PPP3CB: variants seen among roughly 807,000 people sequenced by gnomAD.
The protein encoded by PPP3CB is serine/threonine-protein phosphatase 2B catalytic subunit beta isoform.
PPP3CB carries 8 observed loss-of-function variants against 66.4 expected under a neutral mutation model. The ratio of observed to expected loss-of-function variants is 0.12; its 90% CI spans 0.07 to 0.22. The LOEUF (loss-of-function observed/expected upper bound fraction) is 0.22. Ranked by LOEUF, PPP3CB falls within the 10% of genes least tolerant of loss-of-function variation. The probability of loss-of-function intolerance (pLI) is 1.00; values close to 1 mark genes in which losing one functional copy is unlikely to be tolerated. For synonymous variants in PPP3CB, 208 were observed against 221.2 expected (o/e 0.94, Z 0.53); for missense variants, 319 against 642.5 (o/e 0.50, Z 5.44).
rs983421360 is a variant in PPP3CB at position 73,462,166 on chromosome 10, T to C, written c.1108+5387A>G. Among the ~76,000 whole-genome samples the C allele has an allele frequency of 2.5e-4, 33 of 132,108 alleles. 1 individual carries two copies. The highest frequency in any genetic ancestry group is 4.8e-4 in the African/African-American group (16 of 33,524). 86.7% of individuals were successfully genotyped at this position (132,108 alleles called of 152,430 possible). ...TTTTTTTTTTTTTTTTTTTTTTTTTTCAGATAGAGTCCCATTCTATCACCC... is the reference window on the plus strand; with the variant it reads ...TTTTTTTTTTTTTTTTTTTTTTTTTCCAGATAGAGTCCCATTCTATCACCC... On this transcript the variant is annotated intron_variant, in intron 9 of 13. Transcript: ENST00000360663.
At chr10:73,447,751 G>C (rs990062736) in intron 10 of PPP3CB, among the ~76,000 whole-genome samples, 1 of 151,982 alleles carries the variant, frequency 6.6e-6, no homozygotes. Context: ...ACATATTTTA[G>C]GGGAAAAAAA....
At chr10:73,471,280 C>A in intron 5 of PPP3CB, 71 bp from the exon 6 acceptor site, 8 of 1,459,368 alleles carry the variant, frequency 5.5e-6, no homozygotes, top group Non-Finnish European at 7.5e-6. Flanking sequence ...CATAGGAAAA[C>A]GATACCAACT....
At chr10:73,470,831 C>T in intron 7 of PPP3CB, 50 bp from the exon 8 acceptor site, 1 of 1,587,968 alleles carries the variant, frequency 6.3e-7, no homozygotes, top group Non-Finnish European at 8.6e-7. Flanking sequence ...ATCATGGTTA[C>T]TAAGTTTGAT....
intron 3 of PPP3CB, 74 bp from the exon 4 acceptor site, chr10:73,475,104 T>A: frequency 1.3e-6 from 2 of 1,532,952 alleles, no homozygotes; most frequent in Non-Finnish European, 1.8e-6. Flanking sequence ...TTTGCTCCTT[T>A]TCCTCTACTA....
At chr10:73,485,772 G>A (rs1589717858) in intron 1 of PPP3CB, among the ~76,000 whole-genome samples, 1 of 151,804 alleles carries the variant, frequency 6.6e-6, no homozygotes, top group Non-Finnish European at 1.5e-5. Flanking sequence ...GCAGAGTCTC[G>A]CATCGTCGCC....
At chr10:73,480,631 G>C (rs569634960) in intron 1 of PPP3CB, among the ~76,000 whole-genome samples, 84 of 152,096 alleles carry the variant, frequency 5.5e-4, no homozygotes, top group Non-Finnish European at 8.7e-4. Context: ...TTTTAGTAGA[G>C]ACCGGGTTTC....
rs2056577784 is a variant in PPP3CB at position 73,464,137 on chromosome 10, C to A, written c.1108+3416G>T. Among the ~76,000 whole-genome samples, 4 of 152,084 alleles carry A rather than the reference C, an allele frequency of 2.6e-5. 1 individual carries two copies. The South Asian group carries it at 8.3e-4, about 32-fold the overall frequency. ...TGGAGACAGGGTTTCACCATCGTGGCCAGGTGGGTCTTGAACTCCTAACCT... is the reference window on the plus strand; with the variant it reads ...TGGAGACAGGGTTTCACCATCGTGGACAGGTGGGTCTTGAACTCCTAACCT... On this transcript the variant is annotated intron_variant, in intron 9 of 13. Transcript: ENST00000360663.
chr10:73,455,861 C>T lies in PPP3CB; in HGVS notation c.1109-1372G>A, dbSNP rs543682324. Among the ~76,000 whole-genome samples, 104 of 152,290 alleles carry T rather than the reference C, an allele frequency of 6.8e-4. 2 individuals carry two copies. The South Asian group carries it at 0.019, about 29-fold the overall frequency. Reference sequence around the variant, plus strand: ...CTGGGATTACAGGCGTGAGCCACCGCGCCCAGCCTGTCAACTGTCTTAAAC... The same window carrying T: ...CTGGGATTACAGGCGTGAGCCACCGTGCCCAGCCTGTCAACTGTCTTAAAC... On this transcript the variant is annotated intron_variant, in intron 9 of 13. Transcript: ENST00000360663.
chr10:73,447,410 A>C (rs1409092702), intron 10 of PPP3CB, among the ~76,000 whole-genome samples: 1 of 152,224 alleles, frequency 6.6e-6, no homozygotes, highest in Non-Finnish European at 1.5e-5. Flanking sequence ...CAGAAAGAAC[A>C]ACATCAATCT....
chr10:73,459,779 TGGTTACCTAG>T (rs1564555492), intron 9 of PPP3CB, among the ~76,000 whole-genome samples: 1 of 152,112 alleles, frequency 6.6e-6, no homozygotes, highest in Non-Finnish European at 1.5e-5. Flanking sequence ...AGCAGATTGG[TGGTTACCTAG>T]GGTTAGCAAG....
chr10:73,481,523 T>A (rs2056878503), intron 1 of PPP3CB, among the ~76,000 whole-genome samples: 1 of 151,386 alleles, frequency 6.6e-6, no homozygotes, highest in Non-Finnish European at 1.5e-5. Context: ...TATACAGTAT[T>A]TTCCTGATGC....
At chr10:73,484,214 T>C (rs2056932566) in intron 1 of PPP3CB, among the ~76,000 whole-genome samples, 1 of 152,212 alleles carries the variant, frequency 6.6e-6, no homozygotes, top group South Asian at 2.1e-4. Flanking sequence ...CCATATAGTT[T>C]TCAGGCTTTT....
intron 12 of PPP3CB, among the ~76,000 whole-genome samples, chr10:73,443,274 A>AAGAAAGACAGACAGAC (rs1554821592): frequency 8.4e-6 from 1 of 118,658 alleles, no homozygotes; most frequent in African/African-American, 3.5e-5. Context: ...GAGAGAAAGA[A>AAGAAAGACAGACAGAC]AGAAAGAAAG....
intron 10 of PPP3CB, among the ~76,000 whole-genome samples, chr10:73,447,578 T>C (rs1264434252): frequency 6.6e-6 from 1 of 152,132 alleles, no homozygotes; most frequent in Non-Finnish European, 1.5e-5. Flanking sequence ...AAAGGGGCCT[T>C]AGGTATACAG....
intron 1 of PPP3CB, among the ~76,000 whole-genome samples, chr10:73,490,769 TTC>T (rs577801388): frequency 3.3e-5 from 5 of 152,098 alleles, no homozygotes; most frequent in Non-Finnish European, 5.9e-5. Context: ...CACACTCTTT[TTC>T]TCTCTCTCTT....
intron 1 of PPP3CB, among the ~76,000 whole-genome samples, chr10:73,494,697 G>A (rs1410927954): frequency 5.3e-5 from 8 of 151,594 alleles, no homozygotes; most frequent in African/African-American, 1.9e-4. Context: ...ATATTTTAAT[G>A]GAAACATATG....
intron 9 of PPP3CB, among the ~76,000 whole-genome samples, chr10:73,456,261 A>G (rs1327313056): frequency 6.6e-6 from 1 of 152,218 alleles, no homozygotes; most frequent in Admixed American, 6.5e-5. Flanking sequence ...TACCTTCAAC[A>G]AGCTTACTAA....
intron 9 of PPP3CB, among the ~76,000 whole-genome samples, chr10:73,462,462 G>A (rs1013706767): frequency 2.0e-5 from 3 of 152,016 alleles, no homozygotes; most frequent in African/African-American, 7.2e-5. Context: ...ATCAAGGGGT[G>A]GTGCCAATTC....
intron 1 of PPP3CB, 24 bp downstream of exon 1, chr10:73,495,781 C>G: frequency 6.4e-7 from 1 of 1,569,952 alleles, no homozygotes; most frequent in Non-Finnish European, 8.6e-7. Flanking sequence ...AGGCCAGGCC[C>G]CCAGGGTTTC....
Sources: allele counts gnomAD v4.1 joint callset (sites outside exome capture counted in the v4.1 genomes callset), GRCh38; gene constraint gnomAD v4.1.1; transcripts MANE v1.5; gene names NCBI Gene and HGNC (gene_info 2026-07-23, HGNC 2026-07-21).